Variants in RECQL5 observed in about 807,000 individuals in gnomAD.
RECQL5 encodes the protein RecQ like helicase 5, also known as ATP-dependent DNA helicase Q5.
Under a neutral mutation model 103.4 loss-of-function variants are expected in RECQL5, and 88 were observed. The observed-to-expected ratio is 0.85, with a 90% CI of 0.72 to 1.02. The LOEUF (loss-of-function observed/expected upper bound fraction) is 1.02, where lower values mean the gene tolerates loss of function less well. Among genes scored for constraint, RECQL5 ranks in the 50% least tolerant of loss-of-function variants. RECQL5 has a pLI of 0.00. For synonymous variants in RECQL5, 552 were observed against 507.9 expected (o/e 1.09, Z -1.17); for missense variants, 1,232 against 1,284.3 (o/e 0.96, Z 0.62).
Position 75,630,844 on chromosome 17 carries a change from G to GGT in RECQL5, c.1586-8_1586-7insAC, listed in dbSNP as rs1568258828. 2 of 978,038 alleles carry GGT rather than the reference G, an allele frequency of 2.0e-6. 1 individual carries two copies. The highest frequency in any genetic ancestry group is 3.2e-5 in the African/African-American group (2 of 62,612). 60.6% of individuals were successfully genotyped at this position (978,038 alleles called of 1,614,324 possible). On this transcript the variant is annotated splice_polypyrimidine_tract_variant and splice_region_variant and intron_variant, in intron 11 of 19. Transcript: ENST00000317905. ...TTCAGGGGACAGTTCTCATCTGTGG[G>GGT]GGGGGGGGGTGGTCCTTGGTCCTTT...
At chr17:75,661,826 T>C (rs2059703727) in intron 4 of RECQL5, 118 bp from the exon 5 acceptor site, 3 of 698,920 alleles carry the variant, frequency 4.3e-6, no homozygotes, top group Non-Finnish European at 4.8e-6. Flanking sequence ...CTTCAGTCTC[T>C]TCTGAGGCAG....
chr17:75,650,208 T>C, intron 8 of RECQL5: 1 of 990,002 alleles, frequency 1.0e-6, no homozygotes, highest in Non-Finnish European at 1.2e-6. Flanking sequence ...AGGGTGGTCC[T>C]GGCACTGCAG....
intron 4 of RECQL5, 66 bp from the exon 5 acceptor site, chr17:75,661,774 C>A: frequency 4.2e-6 from 5 of 1,186,158 alleles, no homozygotes; most frequent in Non-Finnish European, 6.2e-6. Context: ...CAGTGTAATG[C>A]ACCCTGCTCT....
chr17:75,629,795 C>T lies in RECQL5; in HGVS notation c.1860G>A (p.Met620Ile), dbSNP rs1287646427. ...RASKDGQPYDMGGSAKSCSAQ... is the reference protein window; with the variant it reads ...RASKDGQPYDIGGSAKSCSAQ... ...CACTGCAGCTCTTGGCACTGCCTCC[C>T]ATGTCATAGGGCTGCCCATCCTTGG... The change falls in exon 15 of 20, where the codon ATG (methionine) becomes ATA (isoleucine). Residue 620 changes from methionine to isoleucine, a missense_variant. Physicochemically the swap from Met to Ile is conservative, Grantham distance 10. Transcript: ENST00000317905. 6.2e-7 allele frequency: 1 copy of T among 1,613,566 alleles called. No individual in the cohort carries two copies. Among genetic ancestry groups the T allele is most frequent in the Non-Finnish European group, 8.5e-7 (1 of 1,179,786 alleles).
Position 75,627,646 on chromosome 17 carries a change from T to A in RECQL5, c.2852A>T (p.Gln951Leu). The A allele has an allele frequency of 1.2e-6, 2 of 1,612,520 alleles. No homozygotes were observed. The highest frequency in any genetic ancestry group is 1.7e-6 in the Non-Finnish European group (2 of 1,179,322). ...ACCGCTCCTTCCAGGAGAGGTCTTCTGAGTCAGCAAGTGTGAGAGGTGGCG... is the reference window on the plus strand; with the variant it reads ...ACCGCTCCTTCCAGGAGAGGTCTTCAGAGTCAGCAAGTGTGAGAGGTGGCG... ...FARHLSHLLT[Q>L]KTSPGRSVKE... Residue 951 changes from glutamine to leucine, a missense_variant, in exon 19 of 20, where the codon CAG (glutamine) becomes CTG (leucine). Coordinates refer to ENST00000317905, the MANE Select transcript of RECQL5 (RefSeq NM_004259.7).
rs777833134 is a variant in RECQL5, at chr17:75,660,989, T to C, written c.952A>G (p.Ser318Gly). 1.2e-5 allele frequency: 19 copies of C among 1,614,008 alleles called. No homozygotes were observed. Among genetic ancestry groups the C allele is most frequent in the Non-Finnish European group, 1.6e-5 (19 of 1,179,994 alleles). ...EKVPVIVATI[S>G]FGMGVDKANV... is the part of the protein sequence containing the mutation. ...GCTTTATCCACTCCCATCCCAAAACTAATGGTTGCAACAATTACAGGGACC... is the reference window on the plus strand; with the variant it reads ...GCTTTATCCACTCCCATCCCAAAACCAATGGTTGCAACAATTACAGGGACC... The change falls in exon 6 of 20, where the codon AGT becomes GGT. Residue 318 changes from serine to glycine, a missense_variant. Transcript: ENST00000317905.
chr17:75,656,367 C>T (rs1484812190), intron 7 of RECQL5, among the ~76,000 whole-genome samples: 2 of 152,050 alleles, frequency 1.3e-5, no homozygotes, highest in Admixed American at 6.5e-5. Flanking sequence ...CGTGAGCCAC[C>T]GCACCCAGCC....
chr17:75,650,335 G>A (rs1002084122), intron 8 of RECQL5: 46 of 1,075,186 alleles, frequency 4.3e-5, no homozygotes, highest in Non-Finnish European at 5.2e-5. Context: ...AGGAGGAGGT[G>A]GAAATAAAAA....
chr17:75,649,788 C>A (rs192407094), intron 8 of RECQL5: 12 of 985,370 alleles, frequency 1.2e-5, no homozygotes, highest in Non-Finnish European at 1.3e-5. Flanking sequence ...GAGACAGGCA[C>A]GAGGCTGCTC....
At chr17:75,665,787 C>T (rs550165991) in intron 2 of RECQL5, among the ~76,000 whole-genome samples, 2 of 151,426 alleles carry the variant, frequency 1.3e-5, no homozygotes, top group Admixed American at 1.3e-4. Context: ...TGAGTGGGTA[C>T]ATCTGTGTAG....
In RECQL5 at chr17:75,640,914, G is replaced by C; in HGVS notation, c.1230-9246C>G. On this transcript the variant is annotated intron_variant, in intron 8 of 19. Transcript: ENST00000317905. The surrounding 1 kb of genome is among the most constrained non-coding windows in gnomAD (Gnocchi z 4.6). Reference sequence around the variant, plus strand: ...CCACCATGACGGACGGGCGATGGCTGAGGAGAAGCTGGAGAGGAGATGGCC... The same window carrying C: ...CCACCATGACGGACGGGCGATGGCTCAGGAGAAGCTGGAGAGGAGATGGCC... The C allele has an allele frequency of 6.5e-7, 1 of 1,540,486 alleles. No homozygotes were observed. The highest frequency in any genetic ancestry group is 8.7e-7 in the Non-Finnish European group (1 of 1,146,420).
At position 75,632,360 on chromosome 17, in the gene RECQL5, A is replaced by G. The variant is rs147198647; in HGVS notation, c.1230-692T>C. On this transcript the variant is annotated intron_variant, in intron 8 of 19. Transcript: ENST00000317905. The stretch of plus-strand genomic sequence containing the variant: ...GGTGTGTAGGAGGCTGTGCCGCTTG[A>G]TATTTTTTTCCTTCTCTTCCCTGGA... 2.1e-3 allele frequency among the ~76,000 whole-genome samples: 321 copies of G among 152,326 alleles called. 2 individuals are homozygous for G. Among genetic ancestry groups the G allele is most frequent in the Non-Finnish European group, 3.9e-3 (264 of 68,032 alleles).
chr17:75,658,891 T>C (rs574979785), intron 6 of RECQL5, among the ~76,000 whole-genome samples: 6 of 152,176 alleles, frequency 3.9e-5, no homozygotes, highest in Non-Finnish European at 8.8e-5. Flanking sequence ...GTCACCATCA[T>C]GTGAGGTAGC....
intron 8 of RECQL5, among the ~76,000 whole-genome samples, chr17:75,642,987 C>T (rs1010631055): frequency 6.6e-6 from 1 of 152,250 alleles, no homozygotes; most frequent in Non-Finnish European, 1.5e-5. Context: ...TCGACCAACC[C>T]TACACCCAAA....
chr17:75,629,574 G>C, intron 15 of RECQL5, 99 bp from the exon 16 acceptor site: 2 of 1,503,242 alleles, frequency 1.3e-6, no homozygotes, highest in Admixed American at 4.5e-5. Context: ...GGGGCTCTCA[G>C]GAGTGTGGGA....
chr17:75,640,728 G>A lies in RECQL5; in HGVS notation c.1230-9060C>T, dbSNP rs1428024833. The A allele has an allele frequency of 2.0e-6, 3 of 1,525,678 alleles. No individual in the cohort carries two copies. Among genetic ancestry groups the A allele is most frequent in the Non-Finnish European group, 2.7e-6 (3 of 1,130,974 alleles). 94.5% of individuals were successfully genotyped at this position (1,525,678 alleles called of 1,614,324 possible). The stretch of plus-strand genomic sequence containing the variant: ...CCTGGCAGGCAGTGGGTTTCTCTGG[G>A]AGGAGGGTGGGCATCCTTTCTCTCC... On this transcript the variant is annotated intron_variant, in intron 8 of 19. Transcript: ENST00000317905. The surrounding 1 kb of genome is among the most constrained non-coding windows in gnomAD (Gnocchi z 4.6).
chr17:75,649,972 C>G (rs763111016), intron 8 of RECQL5: 16 of 985,448 alleles, frequency 1.6e-5, no homozygotes, highest in Non-Finnish European at 1.9e-5. Flanking sequence ...GCAGGCGGAG[C>G]AGACCCTGGG....
At chr17:75,643,264 T>C (rs1381829101) in intron 8 of RECQL5, among the ~76,000 whole-genome samples, 5 of 152,248 alleles carry the variant, frequency 3.3e-5, no homozygotes, top group African/African-American at 9.6e-5. Flanking sequence ...AGCATAAGAA[T>C]AGCCCTGCTC....
Position 75,655,034 on chromosome 17 carries a change from T to G in RECQL5, c.1149+3264A>C, listed in dbSNP as rs1200285482. ...TCAAACTCCTGGCCTCAAGAGATCC[T>G]CCCATGTCATTCTCCCGAAGTGTTG... On this transcript the variant is annotated intron_variant, in intron 7 of 19. Coordinates refer to ENST00000317905, the MANE Select transcript of RECQL5 (RefSeq NM_004259.7). 2.0e-5 allele frequency among the ~76,000 whole-genome samples: 3 copies of G among 152,166 alleles called. No homozygotes were observed. The East Asian group carries it at 5.8e-4, about 29-fold the overall frequency.
Sources: gnomAD v4.1 joint callset for allele counts (sites outside exome capture counted in the v4.1 genomes callset) on GRCh38, gnomAD v4.1.1 for gene constraint, Gnocchi (gnomAD v3.1) non-coding constraint, MANE v1.5 for transcripts, NCBI Gene and HGNC (gene_info 2026-07-23, HGNC 2026-07-21) for gene names.